NKAIN3: variants seen among roughly 807,000 people sequenced by gnomAD.
NKAIN3 encodes the protein sodium/potassium transporting ATPase interacting 3, also known as sodium/potassium-transporting ATPase subunit beta-1-interacting protein 3.
Under a neutral mutation model 30.2 loss-of-function variants are expected in NKAIN3, and 25 were observed. The ratio of observed to expected loss-of-function variants is 0.83; its 90% CI spans 0.60 to 1.16. The LOEUF (loss-of-function observed/expected upper bound fraction) is 1.16, where lower values mean the gene tolerates loss of function less well. NKAIN3 is among the 50% of genes most tolerant of loss of function. The probability of loss-of-function intolerance (pLI) is 0.00; values close to 1 mark genes in which losing one functional copy is unlikely to be tolerated. For synonymous variants in NKAIN3, 91 were observed against 89.6 expected (o/e 1.02, Z -0.09); for missense variants, 225 against 254.1 (o/e 0.89, Z 0.78).
At chr8:62,625,847 A>G (rs1021767037) in intron 3 of NKAIN3, among the ~76,000 whole-genome samples, 1 of 152,082 alleles carries the variant, frequency 6.6e-6, no homozygotes, top group African/African-American at 2.4e-5. Flanking sequence ...CTATCCACAG[A>G]GGAGACTTGG....
chr8:62,575,538 C>T (rs189752785), intron 1 of NKAIN3, among the ~76,000 whole-genome samples: 16 of 152,176 alleles, frequency 1.1e-4, no homozygotes, highest in African/African-American at 3.6e-4. Flanking sequence ...GTCTACACTA[C>T]CCAAGGCAAT....
intron 5 of NKAIN3, among the ~76,000 whole-genome samples, chr8:62,935,707 T>C (rs866532582): frequency 6.6e-6 from 1 of 152,140 alleles, no homozygotes; most frequent in Admixed American, 6.6e-5. Flanking sequence ...CATATTTAAA[T>C]ATTGAGTGAT....
At chr8:62,812,419 G>T (rs1053206755) in intron 4 of NKAIN3, among the ~76,000 whole-genome samples, 1 of 151,794 alleles carries the variant, frequency 6.6e-6, no homozygotes, top group Non-Finnish European at 1.5e-5. Context: ...CAGTTTGGGG[G>T]AAAATGATAT....
At chr8:62,381,314 A>G (rs775644804) in intron 1 of NKAIN3, among the ~76,000 whole-genome samples, 3 of 152,130 alleles carry the variant, frequency 2.0e-5, no homozygotes, top group Non-Finnish European at 4.4e-5. Context: ...TCATCAAGAC[A>G]TTTTTATCCT....
At chr8:62,789,681 C>A (rs1489706874) in intron 4 of NKAIN3, among the ~76,000 whole-genome samples, 1 of 152,052 alleles carries the variant, frequency 6.6e-6, no homozygotes, top group Non-Finnish European at 1.5e-5. Context: ...ATACTACAAA[C>A]ACCTCTACAC....
chr8:62,407,165 AAAC>A (rs1804096899), intron 1 of NKAIN3, among the ~76,000 whole-genome samples: 1 of 152,036 alleles, frequency 6.6e-6, no homozygotes, highest in South Asian at 2.1e-4. Flanking sequence ...ACAAAGAAAA[AAAC>A]TCATAAATCA....
intron 1 of NKAIN3, among the ~76,000 whole-genome samples, chr8:62,365,827 T>G (rs777188327): frequency 4.6e-5 from 7 of 152,180 alleles, no homozygotes; most frequent in Non-Finnish European, 8.8e-5. Flanking sequence ...TTGACTTAAT[T>G]TGCATTTGTC....
chr8:62,544,554 G>T (rs1379941361), intron 1 of NKAIN3, among the ~76,000 whole-genome samples: 1 of 151,684 alleles, frequency 6.6e-6, no homozygotes, highest in African/African-American at 2.4e-5. Context: ...AGTAGTAAAT[G>T]CTTATTTTAA....
intron 3 of NKAIN3, among the ~76,000 whole-genome samples, chr8:62,698,585 A>G (rs1814236343): frequency 6.6e-6 from 1 of 152,110 alleles, no homozygotes; most frequent in African/African-American, 2.4e-5. Flanking sequence ...TACCAAATTT[A>G]ATTCCTCAGA....
At chr8:62,451,446 T>A (rs1805639395) in intron 1 of NKAIN3, among the ~76,000 whole-genome samples, 1 of 152,048 alleles carries the variant, frequency 6.6e-6, no homozygotes, top group Non-Finnish European at 1.5e-5. Context: ...ATGATAGTAA[T>A]CTAGATGAGT....
At chr8:62,418,942 G>A (rs549373105) in intron 1 of NKAIN3, among the ~76,000 whole-genome samples, 2 of 152,252 alleles carry the variant, frequency 1.3e-5, no homozygotes, top group South Asian at 4.1e-4. Context: ...TTCTCTAGCA[G>A]AAGCATTTCT....
At position 62,623,644 on chromosome 8, in the gene NKAIN3, A is replaced by G. The variant is rs562255948; in HGVS notation, c.273+33850A>G. ...TAAATGATTTTCCTTCTTTCTAAAG[A>G]ACTACTTGAAAGGCAGGTCTGCTGG... On this transcript the variant is annotated intron_variant, in intron 3 of 6. Coordinates refer to ENST00000623646, the MANE Select transcript of NKAIN3 (RefSeq NM_001304533.3). 3.9e-5 allele frequency among the ~76,000 whole-genome samples: 6 copies of G among 152,236 alleles called. No individual in the cohort carries two copies. In the East Asian group the frequency reaches 1.2e-3, roughly 29 times the overall value.
At chr8:62,789,604 A>C (rs1420333616) in intron 4 of NKAIN3, among the ~76,000 whole-genome samples, 4 of 151,784 alleles carry the variant, frequency 2.6e-5, no homozygotes, top group African/African-American at 9.7e-5. Flanking sequence ...AATCAAATAG[A>C]TGCAATAAAA....
chr8:62,594,111 C>A (rs1810745910), intron 3 of NKAIN3, among the ~76,000 whole-genome samples: 1 of 151,812 alleles, frequency 6.6e-6, no homozygotes, highest in Admixed American at 6.6e-5. Flanking sequence ...TCTTTATTTC[C>A]CTGCTTGGAG....
chr8:62,536,262 G>A (rs1489831323), intron 1 of NKAIN3, among the ~76,000 whole-genome samples: 1 of 152,090 alleles, frequency 6.6e-6, no homozygotes, highest in Non-Finnish European at 1.5e-5. Context: ...ACTTCAAAAA[G>A]CAATGCGGGC....
At chr8:62,270,989 A>G (rs1812760925) in intron 1 of NKAIN3, among the ~76,000 whole-genome samples, 1 of 152,200 alleles carries the variant, frequency 6.6e-6, no homozygotes, top group Non-Finnish European at 1.5e-5. Context: ...AACATAACTG[A>G]TATTTTTAAA....
At chr8:62,864,512 A>G (rs935501506) in intron 4 of NKAIN3, among the ~76,000 whole-genome samples, 1 of 152,212 alleles carries the variant, frequency 6.6e-6, no homozygotes, top group Non-Finnish European at 1.5e-5. Context: ...CCAAATGCAG[A>G]AAGTGATTAC....
chr8:62,463,153 C>T (rs1309641517), intron 1 of NKAIN3, among the ~76,000 whole-genome samples: 1 of 152,120 alleles, frequency 6.6e-6, no homozygotes, highest in East Asian at 1.9e-4. Context: ...TCCATTTTTA[C>T]AATTTCACTC....
At chr8:62,602,086 C>T (rs74691790) in intron 3 of NKAIN3, among the ~76,000 whole-genome samples, 16,136 of 151,998 alleles carry the variant, frequency 0.11, 1,059 homozygotes, top group East Asian at 0.27. Context: ...TATAAGCCAA[C>T]GACATATATA....
Sources: allele counts gnomAD v4.1 joint callset (sites outside exome capture counted in the v4.1 genomes callset), GRCh38; gene constraint gnomAD v4.1.1; transcripts MANE v1.5; gene names NCBI Gene and HGNC (gene_info 2026-07-23, HGNC 2026-07-21).